Variants in IRF2 observed in about 807,000 individuals in gnomAD.
IRF2 encodes the protein interferon regulatory factor 2.
In IRF2, 15 loss-of-function variants were observed where a neutral mutation model predicts 40.6. The ratio of observed to expected loss-of-function variants is 0.37; its 90% CI spans 0.25 to 0.57. The LOEUF (loss-of-function observed/expected upper bound fraction) is 0.57, where lower values mean the gene tolerates loss of function less well. Ranked by LOEUF, IRF2 falls within the 20% of genes least tolerant of loss-of-function variation. The pLI is 0.77. For missense variants in IRF2, 317 were observed against 455.7 expected, an observed-to-expected ratio of 0.70 and a Z score of 2.77; for synonymous variants, 151 against 165.5, an observed-to-expected ratio of 0.91 and a Z score of 0.67.
intron 5 of IRF2, among the ~76,000 whole-genome samples, chr4:184,416,724 A>G (rs1204245876): frequency 1.4e-5 from 2 of 145,670 alleles, no homozygotes; most frequent in African/African-American, 4.9e-5. Flanking sequence ...ATTCCAAAAA[A>G]TAGTTCAAAA....
intron 3 of IRF2, 72 bp from the exon 4 acceptor site, chr4:184,418,780 C>A: frequency 7.6e-7 from 1 of 1,317,726 alleles, no homozygotes; most frequent in African/African-American, 1.5e-5. Flanking sequence ...TCTGGAAACA[C>A]AGTATTGCTG....
Position 184,388,670 on chromosome 4 carries a change from A to G in IRF2, c.*88T>C. The G allele has an allele frequency of 7.5e-7, 1 of 1,331,278 alleles. No homozygotes were observed. The highest frequency in any genetic ancestry group is 1.0e-6 in the Non-Finnish European group (1 of 958,680). The allele number at this position is 1,331,278 out of a possible 1,614,324, so 82.5% of individuals were successfully genotyped here. On this transcript the variant is annotated 3_prime_UTR_variant, in exon 9 of 9. Coordinates refer to ENST00000393593, the MANE Select transcript of IRF2 (RefSeq NM_002199.4). The surrounding 1 kb of genome is among the most constrained non-coding windows in gnomAD (Gnocchi z 4.6). Reference sequence around the variant, plus strand: ...GCTTTTTCCCTTAGATTTGTCTAAAATAGGTGTCAGAGAGAAAAAAATAAA... The same window carrying G: ...GCTTTTTCCCTTAGATTTGTCTAAAGTAGGTGTCAGAGAGAAAAAAATAAA...
chr4:184,388,859 T>A lies in IRF2; in HGVS notation c.949A>T (p.Met317Leu). 1.9e-6 allele frequency: 3 copies of A among 1,613,914 alleles called. No homozygotes were observed. Among genetic ancestry groups the A allele is most frequent in the Middle Eastern group, 3.3e-4 (2 of 6,052 alleles). The change falls in exon 9 of 9, where the codon ATG becomes TTG. Residue 317 changes from methionine to leucine, a missense_variant. Transcript: ENST00000393593. This position sits in a 1 kb window ranked among gnomAD's most constrained non-coding sequence, Gnocchi z 4.6. ...CGACTGCTGCTGGATGCTGGGGTCA[T>A]GGAGGAAGAAAGGGGGAGGTCTTGA... ...PFQDLPLSSS[M>L]TPASSSSRPD...
intron 6 of IRF2, chr4:184,407,099 C>T: frequency 1.2e-6 from 1 of 835,816 alleles, no homozygotes; most frequent in Non-Finnish European, 1.7e-6. Context: ...CTGCCGAGAC[C>T]AGTCAGACAG....
At chr4:184,395,393 A>C (rs1736413028) in intron 7 of IRF2, among the ~76,000 whole-genome samples, 1 of 131,546 alleles carries the variant, frequency 7.6e-6, no homozygotes, top group African/African-American at 2.8e-5. Flanking sequence ...AGCCTGGGCG[A>C]CAGAGCGAGA....
At chr4:184,457,918 A>G (rs1739003814) in intron 1 of IRF2, among the ~76,000 whole-genome samples, 1 of 151,952 alleles carries the variant, frequency 6.6e-6, no homozygotes, top group Non-Finnish European at 1.5e-5. Flanking sequence ...ACAGGAACAC[A>G]TGCACTGAGT....
intron 1 of IRF2, among the ~76,000 whole-genome samples, chr4:184,470,600 G>A (rs1260238397): frequency 2.6e-5 from 4 of 150,944 alleles, no homozygotes; most frequent in African/African-American, 9.8e-5. Context: ...CTGAAGCACA[G>A]GAATTGCTTG....
At chr4:184,472,767 G>T (rs1206599427) in intron 1 of IRF2, among the ~76,000 whole-genome samples, 1 of 152,164 alleles carries the variant, frequency 6.6e-6, no homozygotes, top group Non-Finnish European at 1.5e-5. Flanking sequence ...TACCTCGGCC[G>T]CCAGTCCCCG....
chr4:184,465,656 T>C (rs1010687044), intron 1 of IRF2, among the ~76,000 whole-genome samples: 10 of 152,234 alleles, frequency 6.6e-5, no homozygotes, highest in Admixed American at 5.9e-4. Context: ...TATTTTCCCA[T>C]CACTAAACGC....
chr4:184,388,948 T>G lies in IRF2; in HGVS notation c.860A>C (p.Asp287Ala), dbSNP rs1471758563. 1 of 1,613,768 alleles carries G rather than the reference T, an allele frequency of 6.2e-7. No individual in the cohort carries two copies. The highest frequency in any genetic ancestry group is 2.2e-5 in the East Asian group (1 of 44,884). Residue 287 changes from aspartate to alanine, a missense_variant, in exon 9 of 9, where the codon GAC (aspartate) becomes GCC (alanine). By Grantham distance (126) the Asp-to-Ala change is moderately radical. Coordinates refer to ENST00000393593, the MANE Select transcript of IRF2 (RefSeq NM_002199.4). The surrounding 1 kb of genome is among the most constrained non-coding windows in gnomAD (Gnocchi z 4.6). ...MASFVTSNKPDLQVTIKEESN... is the reference protein window; with the variant it reads ...MASFVTSNKPALQVTIKEESN... ...CTCCTCTTTGATGGTGACCTGGAGG[T>G]CCGGTTTGTTGGAAGTGACGAAGGA...
chr4:184,447,584 A>G (rs964701959), intron 1 of IRF2, among the ~76,000 whole-genome samples: 7 of 152,238 alleles, frequency 4.6e-5, no homozygotes, highest in African/African-American at 1.7e-4. Context: ...GAAAAAGACT[A>G]ACTTTATCAT....
At chr4:184,392,529 T>A (rs746062961) in intron 7 of IRF2, among the ~76,000 whole-genome samples, 4 of 152,230 alleles carry the variant, frequency 2.6e-5, no homozygotes, top group Non-Finnish European at 5.9e-5. Flanking sequence ...AGAGCTCTTA[T>A]GCTCCAGTGC....
intron 1 of IRF2, among the ~76,000 whole-genome samples, chr4:184,455,207 T>G (rs1273845151): frequency 6.7e-6 from 1 of 148,428 alleles, no homozygotes; most frequent in African/African-American, 2.5e-5. Flanking sequence ...ACCTTCTTCT[T>G]CTAACCTCTT....
chr4:184,407,964 G>A (rs1393687831), intron 6 of IRF2, among the ~76,000 whole-genome samples, 194 bp downstream of exon 6: 6 of 145,838 alleles, frequency 4.1e-5, no homozygotes, highest in Non-Finnish European at 6.0e-5. Flanking sequence ...AGGCTGACCC[G>A]TCTAAGTTCC....
intron 6 of IRF2, chr4:184,407,227 T>C (rs1206643887): frequency 7.8e-7 from 1 of 1,289,268 alleles, no homozygotes. Flanking sequence ...AGCATGCTGC[T>C]GGCTTCTTCC....
intron 6 of IRF2, among the ~76,000 whole-genome samples, chr4:184,399,336 T>G (rs375984981): frequency 1.2e-4 from 19 of 152,148 alleles, no homozygotes; most frequent in African/African-American, 4.3e-4. Flanking sequence ...GCCATGTCCT[T>G]TCCAGCTCAG....
intron 2 of IRF2, chr4:184,428,646 A>T (rs892377538): frequency 4.4e-6 from 2 of 452,550 alleles, no homozygotes; most frequent in African/African-American, 4.0e-5. Context: ...AAAAAATACA[A>T]AAATTGGCCA....
chr4:184,406,104 A>G (rs186845670), intron 6 of IRF2, among the ~76,000 whole-genome samples: 1 of 152,300 alleles, frequency 6.6e-6, no homozygotes, highest in Non-Finnish European at 1.5e-5. Flanking sequence ...GCCTTGTCTC[A>G]GGCCCCTTCT....
chr4:184,436,255 G>A (rs758263298), intron 1 of IRF2, among the ~76,000 whole-genome samples: 25 of 152,250 alleles, frequency 1.6e-4, no homozygotes, highest in Admixed American at 8.5e-4. Flanking sequence ...GATTACAGGC[G>A]TGAGCCACTG....
Sources: allele counts gnomAD v4.1 joint callset (sites outside exome capture counted in the v4.1 genomes callset), GRCh38; gene constraint gnomAD v4.1.1; non-coding constraint Gnocchi (gnomAD v3.1); transcripts MANE v1.5; gene names NCBI Gene and HGNC (gene_info 2026-07-23, HGNC 2026-07-21).